The following SP4 variants were observed in gnomAD, a reference collection of about 807,000 sequenced individuals.
SP4 encodes the protein transcription factor Sp4.
A neutral mutation model predicts 72.8 loss-of-function variants in SP4; 19 were observed. The observed-to-expected ratio is 0.26, with a 90% CI of 0.18 to 0.38. The LOEUF (loss-of-function observed/expected upper bound fraction) is 0.38, where lower values mean the gene tolerates loss of function less well. Among genes scored for constraint, SP4 ranks in the 10% least tolerant of loss-of-function variants. The pLI, the probability that SP4 is intolerant of heterozygous loss-of-function variation, is 1.00. For missense variants in SP4, 1,008 were observed against 926.3 expected (o/e 1.09, Z -1.14); for synonymous variants, 395 against 333.1 (o/e 1.19, Z -2.02).
At position 21,429,562 on chromosome 7, in the gene SP4, G is replaced by A. The variant is rs1562578733; in HGVS notation, c.397G>A (p.Gly133Arg). 4.3e-6 allele frequency: 7 copies of A among 1,613,962 alleles called. No individual in the cohort carries two copies. Among genetic ancestry groups the A allele is most frequent in the African/African-American group, 4.0e-5 (3 of 74,896 alleles). The change falls in exon 3 of 6, where the codon GGG becomes AGG. Residue 133 changes from glycine (G) to arginine (R), a missense_variant. Coordinates refer to ENST00000222584, the MANE Select transcript of SP4 (RefSeq NM_003112.5). ...SSSSSSSSNN[G>R]SASPTKTKSG... ...GTCTAGTTCTTCCAGCAGTAATAACGGGAGTGCATCTCCTACAAAAACTAA... is the reference window on the plus strand; with the variant it reads ...GTCTAGTTCTTCCAGCAGTAATAACAGGAGTGCATCTCCTACAAAAACTAA...
intron 5 of SP4, among the ~76,000 whole-genome samples, chr7:21,495,709 T>A (rs1305199527): frequency 6.6e-6 from 1 of 152,180 alleles, no homozygotes; most frequent in Non-Finnish European, 1.5e-5. Flanking sequence ...CTTATAAACA[T>A]GCAATTACCA....
rs1782819541 is a variant in SP4, at chr7:21,430,785, C to T, written c.1620C>T (p.Asn540=). 1 of 1,614,150 alleles carries T rather than the reference C, an allele frequency of 6.2e-7. No homozygotes were observed. The highest frequency in any genetic ancestry group is 2.2e-5 in the East Asian group (1 of 44,890). ...ACCTTCAGACAGTGAGCGTTGCCAA[C>T]CTGGGTGCTGCAGGTGTTCAAGTGC... is the stretch of plus-strand genomic sequence containing the variant. ...VPNLQTVSVA[N]LGAAGVQVQG... is the part of the protein sequence containing the mutation. Residue 540 remains asparagine, a synonymous_variant, in exon 3 of 6, where the codon AAC becomes AAT. Transcript: ENST00000222584.
At chr7:21,481,783 G>A (rs1181487413) in intron 4 of SP4, 141 bp from the exon 5 acceptor site, 2 of 644,870 alleles carry the variant, frequency 3.1e-6, no homozygotes, top group Admixed American at 2.9e-5. Context: ...AAAATTTTCT[G>A]ATTTGAACTA....
Position 21,429,776 on chromosome 7 carries a change from A to G in SP4, c.611A>G (p.Asn204Ser), listed in dbSNP as rs771237515. 2 of 1,614,172 alleles carry G rather than the reference A, an allele frequency of 1.2e-6. No homozygotes were observed. Among genetic ancestry groups the G allele is most frequent in the East Asian group, 4.5e-5 (2 of 44,880 alleles). Residue 204 changes from asparagine (N) to serine (S), a missense_variant, in exon 3 of 6, where the codon AAT becomes AGT. Physicochemically the swap from Asn to Ser is conservative, Grantham distance 46. This residue lies in a region of SP4 where 893 missense variants were observed against 743.3 expected (regional missense o/e 1.20). Transcript: ENST00000222584. ...ATTCAGCTCATTTCTGCAGGTAATA[A>G]TCAAGCTATACTCACAGCTGCTAAC... is the stretch of plus-strand genomic sequence containing the variant. ...GQIQLISAGNNQAILTAANRT... is the reference protein window; with the variant it reads ...GQIQLISAGNSQAILTAANRT...
chr7:21,494,914 C>T (rs937924835), intron 5 of SP4, among the ~76,000 whole-genome samples: 1 of 152,116 alleles, frequency 6.6e-6, no homozygotes, highest in African/African-American at 2.4e-5. Context: ...TTTTGAAGGA[C>T]ACATGGATAA....
At chr7:21,476,731 T>C (rs983380000) in intron 3 of SP4, among the ~76,000 whole-genome samples, 9 of 152,204 alleles carry the variant, frequency 5.9e-5, no homozygotes, top group Non-Finnish European at 8.8e-5. Flanking sequence ...TCTTTTAGGA[T>C]CTCAAAATGC....
intron 5 of SP4, among the ~76,000 whole-genome samples, chr7:21,496,724 A>G (rs1213694292): frequency 6.6e-6 from 1 of 151,654 alleles, no homozygotes; most frequent in African/African-American, 2.4e-5. Context: ...TTTTTCAAAT[A>G]TTCTTTCTTT....
At chr7:21,493,198 T>TG (rs1705299353) in intron 5 of SP4, among the ~76,000 whole-genome samples, 1 of 57,474 alleles carries the variant, frequency 1.7e-5, no homozygotes, top group African/African-American at 1.3e-4. Context: ...AGATTCCATG[T>TG]GAAAAAAAAA....
chr7:21,464,582 T>G (rs1358730872), intron 3 of SP4, among the ~76,000 whole-genome samples: 1 of 14,238 alleles, frequency 7.0e-5, no homozygotes, highest in African/African-American at 6.6e-4. Context: ...CTATTTTCTA[T>G]TTTTTTTTTT....
At chr7:21,483,928 T>C (rs893510158) in intron 5 of SP4, among the ~76,000 whole-genome samples, 2 of 151,870 alleles carry the variant, frequency 1.3e-5, no homozygotes, top group African/African-American at 2.4e-5. Context: ...TGTACCAAGA[T>C]ACATGTGGGA....
Position 21,511,375 on chromosome 7 carries a change from C to A in SP4, c.*106C>A. 8.4e-7 allele frequency: 1 copy of A among 1,185,156 alleles called. No individual in the cohort carries two copies. The highest frequency in any genetic ancestry group is 1.2e-6 in the Non-Finnish European group (1 of 848,288). 73.4% of individuals were successfully genotyped at this position (1,185,156 alleles called of 1,614,324 possible). A position where few individuals can be genotyped will look rare whatever the true frequency, so the allele number is the denominator to read the frequency against. Reference sequence around the variant, plus strand: ...ATTACAGAGTAGGAAATTATGTTTTCATTCTTGGCTTCTTTAAGTATTCCA... The same window carrying A: ...ATTACAGAGTAGGAAATTATGTTTTAATTCTTGGCTTCTTTAAGTATTCCA... On this transcript the variant is annotated 3_prime_UTR_variant, in exon 6 of 6. Coordinates refer to ENST00000222584, the MANE Select transcript of SP4 (RefSeq NM_003112.5).
intron 3 of SP4, among the ~76,000 whole-genome samples, chr7:21,460,817 T>C (rs1156607043): frequency 5.3e-5 from 8 of 152,186 alleles, no homozygotes; most frequent in Admixed American, 2.0e-4. Context: ...AGAATGCTGA[T>C]TGGTGCATTT....
At chr7:21,440,586 A>C (rs1235185179) in intron 3 of SP4, among the ~76,000 whole-genome samples, 1 of 152,134 alleles carries the variant, frequency 6.6e-6, no homozygotes, top group African/African-American at 2.4e-5. Flanking sequence ...GTGGTGGTTC[A>C]CACCTGTAAT....
At chr7:21,503,731 T>G (rs1781925152) in intron 5 of SP4, among the ~76,000 whole-genome samples, 1 of 152,218 alleles carries the variant, frequency 6.6e-6, no homozygotes, top group Non-Finnish European at 1.5e-5. Flanking sequence ...CTTTGGGCAT[T>G]TCTGTGAAAT....
rs984310553 is a variant in SP4 at position 21,428,685 on chromosome 7, A to G, written c.16A>G (p.Lys6Glu). The G allele has an allele frequency of 2.5e-5, 39 of 1,548,354 alleles. No individual in the cohort carries two copies. The highest frequency in any genetic ancestry group is 8.2e-5 in the African/African-American group (6 of 72,854). Residue 6 changes from lysine to glutamate, a missense_variant, in exon 2 of 6, where the codon AAG (lysine) becomes GAG (glutamate). Around this residue, in one of 3 missense-constraint regions of SP4, gnomAD observed 893 missense variants for 743.3 expected, o/e 1.20. Transcript: ENST00000222584. ...GGGGGGGTTTGTTGCAGATCAGAAG[A>G]AGGAGGAGGAGGAGGAGGCGGCAGC... is the stretch of plus-strand genomic sequence containing the variant. The part of the protein sequence containing the change: MSDQK[K>E]EEEEEAAAAA...
At chr7:21,506,425 A>G (rs1782001939) in intron 5 of SP4, among the ~76,000 whole-genome samples, 1 of 152,132 alleles carries the variant, frequency 6.6e-6, no homozygotes, top group African/African-American at 2.4e-5. Flanking sequence ...CTCTCTTCAA[A>G]TGCCCTGTCT....
Position 21,428,771 on chromosome 7 carries a change from A to G in SP4, c.102A>G (p.Lys34=). 3 of 1,550,938 alleles carry G rather than the reference A, an allele frequency of 1.9e-6. No individual in the cohort carries two copies. Among genetic ancestry groups the G allele is most frequent in the Non-Finnish European group, 2.6e-6 (3 of 1,146,908 alleles). ...CTGAGCCAGAGAATAACAATAAAAA[A>G]CCCAAAACCTCAGGCTCCCAGGTAA... ...KTSEPENNNK[K]PKTSGSQDSQ... Residue 34 remains lysine (K), a synonymous_variant, in exon 2 of 6, where the codon AAA becomes AAG. Transcript: ENST00000222584.
chr7:21,430,155 G>A lies in SP4; in HGVS notation c.990G>A (p.Thr330=), dbSNP rs199743669. The part of the protein sequence containing the change: ...SSTTCTTTAS[T]SLTSSDTLVS... ...CTACCTGCACAACCACTGCTTCAAC[G>A]TCTTTGACAAGCAGTGACACATTAG... Residue 330 remains threonine, a synonymous_variant, in exon 3 of 6, where the codon ACG becomes ACA. Coordinates refer to ENST00000222584, the MANE Select transcript of SP4 (RefSeq NM_003112.5). 5.4e-5 allele frequency: 87 copies of A among 1,614,146 alleles called. 1 individual carries two copies. In the Middle Eastern group the frequency reaches 3.6e-3, roughly 67 times the overall value.
chr7:21,485,101 A>G (rs563758851), intron 5 of SP4, among the ~76,000 whole-genome samples: 78 of 152,070 alleles, frequency 5.1e-4, no homozygotes, highest in African/African-American at 1.8e-3. Context: ...TAAAGATTTA[A>G]CAGAGTAACT....
Sources: allele counts gnomAD v4.1 joint callset (sites outside exome capture counted in the v4.1 genomes callset), GRCh38; gene constraint gnomAD v4.1.1; regional missense constraint gnomAD v4.1.1; transcripts MANE v1.5; gene names NCBI Gene and HGNC (gene_info 2026-07-23, HGNC 2026-07-21).